METTL21C: variants seen among roughly 807,000 people sequenced by gnomAD.
METTL21C encodes protein-lysine methyltransferase METTL21C.
In METTL21C, 21 loss-of-function variants were observed where a neutral mutation model predicts 25.9. The ratio of observed to expected loss-of-function variants is 0.81; its 90% CI spans 0.58 to 1.17. The LOEUF is 1.17. Among genes scored for constraint, METTL21C ranks in the 50% most tolerant of loss-of-function variants. The probability of loss-of-function intolerance (pLI) is 0.00; values close to 1 mark genes in which losing one functional copy is unlikely to be tolerated. For missense variants in METTL21C, 312 were observed against 315.1 expected (o/e 0.99, Z 0.07); for synonymous variants, 125 against 124.7 (o/e 1.00, Z -0.01).
At chr13:102,699,952 G>A (rs538688732), upstream of METTL21C, among the ~76,000 whole-genome samples, 1 of 152,282 alleles carries the variant, frequency 6.6e-6, no homozygotes, top group African/African-American at 2.4e-5. Flanking sequence ...GATTCTTCCT[G>A]CTTTGGATTT....
intron 1 of METTL21C, among the ~76,000 whole-genome samples, chr13:102,691,761 C>A (rs1885835829): frequency 6.6e-6 from 1 of 152,216 alleles, no homozygotes; most frequent in African/African-American, 2.4e-5. Context: ...CCCAGCCAGC[C>A]CCACAGCCCT....
chr13:102,688,090 CAATG>C (rs1256412188), intron 2 of METTL21C, among the ~76,000 whole-genome samples: 1 of 152,176 alleles, frequency 6.6e-6, no homozygotes, highest in East Asian at 1.9e-4. Context: ...ATTTAAAAAA[CAATG>C]AACTCTATAA....
At chr13:102,691,550 A>G (rs1885831861) in intron 1 of METTL21C, among the ~76,000 whole-genome samples, 2 of 151,760 alleles carry the variant, frequency 1.3e-5, no homozygotes, top group Admixed American at 6.6e-5. Flanking sequence ...GGGTTTCACC[A>G]TGTTGGTCAG....
In METTL21C at chr13:102,692,017, CG is replaced by C. The variant is rs369281076; in HGVS notation, c.131-1054del. On this transcript the variant is annotated intron_variant, in intron 1 of 3. Coordinates refer to ENST00000267273, the MANE Select transcript of METTL21C (RefSeq NM_001010977.3). ...GCAGAGGAAAAGGTGTTGGTCCCAG[CG>C]GGTGGGAAAGAATTAACAGTGCGGA... 8.2e-3 allele frequency among the ~76,000 whole-genome samples: 1,249 copies of C among 152,080 alleles called. 24 individuals are homozygous for C. Among genetic ancestry groups the C allele is most frequent in the South Asian group, 0.074 (354 of 4,808 alleles).
intron 2 of METTL21C, among the ~76,000 whole-genome samples, chr13:102,689,970 T>C (rs896570713): frequency 6.6e-6 from 1 of 152,212 alleles, no homozygotes; most frequent in Non-Finnish European, 1.5e-5. Context: ...TGAACATTTG[T>C]GACTACCCAG....
At chr13:102,695,944 A>G (rs1183427578), upstream of METTL21C, among the ~76,000 whole-genome samples, 2 of 152,248 alleles carry the variant, frequency 1.3e-5, no homozygotes, top group African/African-American at 4.8e-5. Flanking sequence ...ATGCATGTAG[A>G]CACACACATA....
At chr13:102,702,578 A>G in the METTL21C span, among the ~76,000 whole-genome samples, 1 of 149,332 alleles carries the variant, frequency 6.7e-6, no homozygotes, top group East Asian at 2.0e-4. Flanking sequence ...AAGATCCTGT[A>G]CAAAAACAGG....
At chr13:102,696,873 A>G (rs1170214231), upstream of METTL21C, among the ~76,000 whole-genome samples, 2 of 152,198 alleles carry the variant, frequency 1.3e-5, no homozygotes, top group African/African-American at 4.8e-5. Flanking sequence ...CTGAGTGCCC[A>G]AGCAGCCACG....
upstream of METTL21C, among the ~76,000 whole-genome samples, chr13:102,698,167 C>T (rs1489836354): frequency 1.3e-5 from 2 of 152,162 alleles, no homozygotes; most frequent in Non-Finnish European, 2.9e-5. Context: ...ATAAATGTCT[C>T]ATATTATCTT....
chr13:102,698,505 G>T (rs187267858), upstream of METTL21C, among the ~76,000 whole-genome samples: 316 of 152,216 alleles, frequency 2.1e-3, no homozygotes, highest in South Asian at 0.012. Flanking sequence ...TTTCCTTTGA[G>T]ATATTCTTTC....
chr13:102,686,494 AAC>A, intron 3 of METTL21C, 69 bp from the exon 4 acceptor site: 1 of 1,496,942 alleles, frequency 6.7e-7, no homozygotes. Context: ...CCCAGGGAGA[AAC>A]ACAAGAAACA....
upstream of METTL21C, among the ~76,000 whole-genome samples, chr13:102,697,161 A>C (rs1885960418): frequency 6.6e-6 from 1 of 152,174 alleles, no homozygotes. Flanking sequence ...AGAAGATACA[A>C]GATTGGATCA....
At position 102,685,984 on chromosome 13, in the gene METTL21C, C is replaced by T; in HGVS notation, c.*47G>A. 1 of 1,519,004 alleles carries T rather than the reference C, an allele frequency of 6.6e-7. No individual in the cohort carries two copies. The highest frequency in any genetic ancestry group is 8.8e-7 in the Non-Finnish European group (1 of 1,131,608). The allele number at this position is 1,519,004 out of a possible 1,614,324, so 94.1% of individuals were successfully genotyped here. A position where few individuals can be genotyped will look rare whatever the true frequency, so the allele number is the denominator to read the frequency against. On this transcript the variant is annotated 3_prime_UTR_variant, in exon 4 of 4. Transcript: ENST00000267273. ...TCTATTACCAAAGCAATTTCTAACACATTGCTCAAAAGACACAGTAACGTT... is the reference window on the plus strand; with the variant it reads ...TCTATTACCAAAGCAATTTCTAACATATTGCTCAAAAGACACAGTAACGTT...
chr13:102,697,191 A>G (rs930631437), upstream of METTL21C, among the ~76,000 whole-genome samples: 7 of 152,266 alleles, frequency 4.6e-5, no homozygotes, highest in Non-Finnish European at 1.0e-4. Context: ...TAAGGAGGCT[A>G]TTCATGTGCT....
intron 1 of METTL21C, among the ~76,000 whole-genome samples, chr13:102,691,483 G>T (rs1027760148): frequency 1.3e-5 from 2 of 152,108 alleles, no homozygotes; most frequent in Non-Finnish European, 2.9e-5. Flanking sequence ...CTGAGTAACT[G>T]GGATTACAGG....
chr13:102,699,199 T>C (rs955161615), upstream of METTL21C, among the ~76,000 whole-genome samples: 3 of 152,184 alleles, frequency 2.0e-5, no homozygotes, highest in Non-Finnish European at 4.4e-5. Context: ...TACTTCCTTA[T>C]TTGCATAAAT....
rs1566386804 is a variant in METTL21C at position 102,686,006 on chromosome 13, CGTT to C, written c.*22_*24del. ...ACACATTGCTCAAAAGACACAGTAA[CGTT>C]GTGAAAGGCATTTTGTTGGATTTAG... On this transcript the variant is annotated 3_prime_UTR_variant, in exon 4 of 4. Transcript: ENST00000267273. The C allele has an allele frequency of 1.3e-6, 2 of 1,541,924 alleles. No individual in the cohort carries two copies. The highest frequency in any genetic ancestry group is 2.0e-5 in the Admixed American group (1 of 51,182).
chr13:102,702,448 A>T, the METTL21C span, among the ~76,000 whole-genome samples: 2 of 152,230 alleles, frequency 1.3e-5, no homozygotes, highest in African/African-American at 4.8e-5. Context: ...AGCTGTAACA[A>T]TTGGAAAGGA....
intron 2 of METTL21C, among the ~76,000 whole-genome samples, chr13:102,687,505 T>C (rs1885706775): frequency 6.6e-6 from 1 of 152,248 alleles, no homozygotes. Flanking sequence ...CTTGAACACC[T>C]CTTTCCTGAC....
Sources: gnomAD v4.1 joint callset for allele counts (sites outside exome capture counted in the v4.1 genomes callset) on GRCh38, gnomAD v4.1.1 for gene constraint, MANE v1.5 for transcripts, NCBI Gene and HGNC (gene_info 2026-07-23, HGNC 2026-07-21) for gene names.